The following PDE7B variants were observed in gnomAD, a reference collection of about 807,000 sequenced individuals.
PDE7B encodes the protein phosphodiesterase 7B, also known as 3',5'-cyclic-AMP phosphodiesterase 7B.
A neutral mutation model predicts 56.2 loss-of-function variants in PDE7B; 29 were observed. The observed-to-expected ratio is 0.52, with a 90% CI of 0.38 to 0.70. The LOEUF is 0.70. Ranked by LOEUF, PDE7B falls within the 30% of genes least tolerant of loss-of-function variation. The pLI, the probability that PDE7B is intolerant of heterozygous loss-of-function variation, is 0.00. For synonymous variants in PDE7B, 197 were observed against 196.9 expected (o/e 1.00, Z 0.00); for missense variants, 490 against 565.0 (o/e 0.87, Z 1.35).
intron 2 of PDE7B, among the ~76,000 whole-genome samples, chr6:136,000,579 G>C (rs1775647591): frequency 6.6e-6 from 1 of 152,080 alleles, no homozygotes; most frequent in Non-Finnish European, 1.5e-5. Context: ...CTTATTTCTG[G>C]GCTTTCTATT....
chr6:136,172,676 T>G (rs1037709367), intron 8 of PDE7B, among the ~76,000 whole-genome samples: 136 of 152,092 alleles, frequency 8.9e-4, no homozygotes, highest in African/African-American at 3.2e-3. Context: ...TTGTTGCCAT[T>G]GCTTTTGGTG....
intron 2 of PDE7B, among the ~76,000 whole-genome samples, chr6:135,952,964 G>C (rs555037039): frequency 4.9e-4 from 75 of 152,208 alleles, no homozygotes; most frequent in African/African-American, 1.8e-3. Flanking sequence ...GTAGTATTAA[G>C]TACAGCCATT....
At chr6:135,908,515 G>A (rs1042822215) in intron 1 of PDE7B, among the ~76,000 whole-genome samples, 2 of 152,024 alleles carry the variant, frequency 1.3e-5, no homozygotes, top group Admixed American at 1.3e-4. Context: ...ACATGTATCT[G>A]TATAAAAATA....
intron 7 of PDE7B, among the ~76,000 whole-genome samples, chr6:136,154,442 C>G (rs1243588163): frequency 1.3e-5 from 2 of 149,986 alleles, no homozygotes; most frequent in East Asian, 3.9e-4. Context: ...AACTTCCTCT[C>G]TATGGCAATC....
chr6:135,941,259 T>C (rs1468318845), intron 1 of PDE7B, among the ~76,000 whole-genome samples: 1 of 152,184 alleles, frequency 6.6e-6, no homozygotes, highest in Non-Finnish European at 1.5e-5. Flanking sequence ...TTGATTTTTT[T>C]TTTCCCCAAA....
At chr6:135,940,584 A>T (rs1774491085) in intron 1 of PDE7B, among the ~76,000 whole-genome samples, 1 of 152,188 alleles carries the variant, frequency 6.6e-6, no homozygotes, top group African/African-American at 2.4e-5. Context: ...TATGCTCTAC[A>T]GACCTAAACT....
chr6:136,165,984 AATG>A (rs1778786504), intron 8 of PDE7B, among the ~76,000 whole-genome samples: 1 of 152,186 alleles, frequency 6.6e-6, no homozygotes, highest in Non-Finnish European at 1.5e-5. Flanking sequence ...AGGCCATCAA[AATG>A]ATGACTTGGT....
intron 2 of PDE7B, among the ~76,000 whole-genome samples, chr6:136,003,664 T>A (rs1775716648): frequency 6.6e-6 from 1 of 152,226 alleles, no homozygotes; most frequent in Non-Finnish European, 1.5e-5. Context: ...AGAGGTTGAA[T>A]CTCTGAATAG....
chr6:136,122,439 C>T (rs1777952669), intron 3 of PDE7B, among the ~76,000 whole-genome samples: 2 of 152,108 alleles, frequency 1.3e-5, no homozygotes, highest in African/African-American at 4.8e-5. Context: ...TCAGTTTTTC[C>T]TGGGTATACA....
At chr6:136,035,248 A>G (rs1776308073) in intron 2 of PDE7B, 1 of 152,188 alleles carries the variant, frequency 6.6e-6, no homozygotes, top group South Asian at 2.1e-4. Context: ...ATGTCCACTG[A>G]GTAGTGAAAA....
At chr6:135,893,256 C>T (rs1194796545) in intron 1 of PDE7B, among the ~76,000 whole-genome samples, 1 of 127,582 alleles carries the variant, frequency 7.8e-6, no homozygotes, top group East Asian at 2.4e-4. Context: ...GTGTGATGTT[C>T]CCCTTCCTGT....
At chr6:135,869,128 G>T (rs1289408438) in intron 1 of PDE7B, among the ~76,000 whole-genome samples, 1 of 152,122 alleles carries the variant, frequency 6.6e-6, no homozygotes, top group Non-Finnish European at 1.5e-5. Flanking sequence ...TATGATGTTA[G>T]TCTTTTAATT....
At chr6:136,154,210 G>A in intron 7 of PDE7B, 35 bp downstream of exon 7, 1 of 1,397,088 alleles carries the variant, frequency 7.2e-7, no homozygotes, top group Non-Finnish European at 1.0e-6. Context: ...TCAGCCACCT[G>A]GAAATGCCAA....
intron 2 of PDE7B, among the ~76,000 whole-genome samples, chr6:136,036,285 G>T (rs765677880): frequency 6.6e-6 from 1 of 152,150 alleles, no homozygotes; most frequent in Non-Finnish European, 1.5e-5. Flanking sequence ...CAAGTAGACC[G>T]CTGATTATTC....
At chr6:136,088,504 T>G (rs1777329431) in intron 2 of PDE7B, among the ~76,000 whole-genome samples, 2 of 152,132 alleles carry the variant, frequency 1.3e-5, no homozygotes, top group South Asian at 4.1e-4. Context: ...GTCTTCAAAC[T>G]TTTGAAGACA....
intron 2 of PDE7B, among the ~76,000 whole-genome samples, chr6:136,102,582 T>C (rs1354282625): frequency 6.6e-6 from 1 of 152,204 alleles, no homozygotes; most frequent in Non-Finnish European, 1.5e-5. Flanking sequence ...CCAACCTTTA[T>C]AAAAAGACAT....
At chr6:136,168,772 A>G (rs1778836709) in intron 8 of PDE7B, among the ~76,000 whole-genome samples, 1 of 152,214 alleles carries the variant, frequency 6.6e-6, no homozygotes, top group Non-Finnish European at 1.5e-5. Context: ...CTACTCAATC[A>G]TTATTCAAAC....
intron 2 of PDE7B, among the ~76,000 whole-genome samples, chr6:135,959,905 C>T (rs1014367126): frequency 6.6e-6 from 1 of 152,084 alleles, no homozygotes; most frequent in African/African-American, 2.4e-5. Flanking sequence ...TCTCAAGTAC[C>T]TGGGACTACA....
At chr6:136,005,017 T>C (rs1775751654) in intron 2 of PDE7B, among the ~76,000 whole-genome samples, 1 of 152,162 alleles carries the variant, frequency 6.6e-6, no homozygotes, top group South Asian at 2.1e-4. Flanking sequence ...TATAGATCAA[T>C]GGAACAGAAC....
Sources: allele counts gnomAD v4.1 joint callset (sites outside exome capture counted in the v4.1 genomes callset), GRCh38; gene constraint gnomAD v4.1.1; transcripts MANE v1.5; gene names NCBI Gene and HGNC (gene_info 2026-07-23, HGNC 2026-07-21).